SERPINI2: variants seen among roughly 807,000 people sequenced by gnomAD.
The protein encoded by SERPINI2 is serpin family I member 2.
A neutral mutation model predicts 47.3 loss-of-function variants in SERPINI2; 48 were observed. That is an observed-to-expected ratio of 1.02 (90% CI 0.81 to 1.29). The LOEUF (loss-of-function observed/expected upper bound fraction) is 1.29, where lower values mean the gene tolerates loss of function less well. Ranked by LOEUF, SERPINI2 falls within the 50% of genes most tolerant of loss-of-function variation. The pLI is 0.00. For synonymous variants in SERPINI2, 135 were observed against 149.3 expected, an observed-to-expected ratio of 0.90 and a Z score of 0.70; for missense variants, 448 against 456.9, an observed-to-expected ratio of 0.98 and a Z score of 0.18.
chr3:167,465,354 A>T, exon 5 of SERPINI2: 1 of 1,610,378 alleles, frequency 6.2e-7, no homozygotes. Flanking sequence ...CCTTTGTAAG[A>T]CAATTCTAAA....
chr3:167,452,236 A>C (rs546487121), intron 6 of SERPINI2, among the ~76,000 whole-genome samples: 3 of 152,340 alleles, frequency 2.0e-5, no homozygotes, highest in Middle Eastern at 3.4e-3. Flanking sequence ...GACTGAATTT[A>C]AAAGAGGGTA....
exon 2 of SERPINI2, chr3:167,471,724 A>T (rs1750328066): frequency 6.2e-7 from 1 of 1,613,608 alleles, no homozygotes; most frequent in Admixed American, 1.7e-5. Flanking sequence ...GAGATAAGGA[A>T]ACCTCTTGAT....
intron 3 of SERPINI2, 123 bp downstream of exon 3, chr3:167,466,932 A>G: frequency 2.0e-6 from 1 of 495,942 alleles, no homozygotes; most frequent in Non-Finnish European, 3.4e-6. Context: ...GAAATGAAAT[A>G]GGATATTTGA....
At chr3:167,465,297 T>C (rs201349445) in exon 5 of SERPINI2, 2 of 1,613,230 alleles carry the variant, frequency 1.2e-6, no homozygotes, top group African/African-American at 1.3e-5. Context: ...ACTTCTTCTA[T>C]ATCCATACCT....
chr3:167,461,313 G>C (rs1425443792), intron 5 of SERPINI2, among the ~76,000 whole-genome samples: 1 of 152,158 alleles, frequency 6.6e-6, no homozygotes, highest in African/African-American at 2.4e-5. Flanking sequence ...ATGAATAGAA[G>C]TATGTAATGA....
chr3:167,459,566 T>C (rs556270200), intron 5 of SERPINI2, among the ~76,000 whole-genome samples: 1 of 152,100 alleles, frequency 6.6e-6, no homozygotes, highest in East Asian at 1.9e-4. Context: ...AATTCTAAAC[T>C]AGATATACAC....
upstream of SERPINI2, among the ~76,000 whole-genome samples, chr3:167,476,933 T>C (rs1286906030): frequency 6.6e-6 from 1 of 151,998 alleles, no homozygotes; most frequent in African/African-American, 2.4e-5. Flanking sequence ...TTTCTGGGCA[T>C]GTGGCTCAGA....
chr3:167,449,241 CA>C, intron 7 of SERPINI2, 74 bp downstream of exon 7: 1 of 1,016,010 alleles, frequency 9.8e-7, no homozygotes. Flanking sequence ...TACAATACTT[CA>C]AAAGGGTCAG....
At chr3:167,470,135 T>C (rs547083493) in intron 2 of SERPINI2, among the ~76,000 whole-genome samples, 6 of 152,308 alleles carry the variant, frequency 3.9e-5, no homozygotes, top group African/African-American at 1.2e-4. Flanking sequence ...AATATTGTAT[T>C]ACTTTTTCAA....
At chr3:167,475,580 T>C (rs1404684915), upstream of SERPINI2, among the ~76,000 whole-genome samples, 5 of 151,798 alleles carry the variant, frequency 3.3e-5, no homozygotes, top group Non-Finnish European at 5.9e-5. Context: ...TAAAAAGCAA[T>C]AGCCATAAAT....
At chr3:167,466,212 T>C (rs992061679) in intron 3 of SERPINI2, among the ~76,000 whole-genome samples, 4 of 152,186 alleles carry the variant, frequency 2.6e-5, no homozygotes, top group Non-Finnish European at 5.9e-5. Context: ...GAAATAGGCA[T>C]GACTGGGTGC....
chr3:167,452,119 A>G (rs1749656983), intron 6 of SERPINI2, among the ~76,000 whole-genome samples: 1 of 152,204 alleles, frequency 6.6e-6, no homozygotes, highest in Non-Finnish European at 1.5e-5. Flanking sequence ...TCCAAAGCCC[A>G]GATACCTATA....
At chr3:167,476,775 T>G (rs114901620), upstream of SERPINI2, among the ~76,000 whole-genome samples, 1,816 of 152,126 alleles carry the variant, frequency 0.012, 30 homozygotes, top group African/African-American at 0.042. Context: ...GCATTCTATT[T>G]ATATGTGAAT....
exon 9 of SERPINI2, chr3:167,442,023 T>C: frequency 9.9e-7 from 1 of 1,011,638 alleles, no homozygotes; most frequent in Non-Finnish European, 1.4e-6. Context: ...ACATAAGATA[T>C]AGAGCAAATA....
intron 7 of SERPINI2, 31 bp from the exon 8 acceptor site, chr3:167,446,512 A>G (rs1396172310): frequency 3.0e-6 from 4 of 1,350,812 alleles, no homozygotes; most frequent in Non-Finnish European, 4.1e-6. Flanking sequence ...TTATTTAGAT[A>G]CTTGCATTAA....
chr3:167,474,184 G>T (rs191083052), upstream of SERPINI2: 1 of 950,326 alleles, frequency 1.1e-6, no homozygotes, highest in African/African-American at 1.8e-5. Context: ...TAACACAATC[G>T]GGTTAATGAT....
At chr3:167,473,662 A>AT (rs890501308) in intron 1 of SERPINI2, 4 of 659,130 alleles carry the variant, frequency 6.1e-6, no homozygotes, top group South Asian at 3.1e-5. Flanking sequence ...ATCCACATCC[A>AT]TTTTTTCTAG....
At chr3:167,446,984 A>T (rs1749497584) in intron 7 of SERPINI2, 1 of 152,062 alleles carries the variant, frequency 6.6e-6, no homozygotes, top group Admixed American at 6.6e-5. Flanking sequence ...AATGTGTGTG[A>T]GATTTTTATT....
exon 1 of SERPINI2, chr3:167,474,019 AT>A: frequency 9.0e-7 from 1 of 1,106,462 alleles, no homozygotes; most frequent in Non-Finnish European, 1.1e-6. Flanking sequence ...CTGACTTCTG[AT>A]TATTCACTGG....
Sources: gnomAD v4.1 joint callset for allele counts (sites outside exome capture counted in the v4.1 genomes callset) on GRCh38, gnomAD v4.1.1 for gene constraint, MANE v1.5 for transcripts, NCBI Gene and HGNC (gene_info 2026-07-23, HGNC 2026-07-21) for gene names.